HHAT: variants seen among roughly 807,000 people sequenced by gnomAD.
HHAT encodes protein-cysteine N-palmitoyltransferase HHAT.
HHAT carries 47 observed loss-of-function variants against 70.8 expected under a neutral mutation model. The ratio of observed to expected loss-of-function variants is 0.66; its 90% CI spans 0.53 to 0.85. HHAT has a LOEUF of 0.85. Among genes scored for constraint, HHAT ranks in the 40% least tolerant of loss-of-function variants. The pLI is 0.00. For missense variants in HHAT, 609 were observed against 604.8 expected (o/e 1.01, Z -0.07); for synonymous variants, 228 against 247.6 (o/e 0.92, Z 0.74).
intron 3 of HHAT, among the ~76,000 whole-genome samples, chr1:210,378,984 T>C (rs2090434778): frequency 6.6e-6 from 1 of 152,214 alleles, no homozygotes; most frequent in Admixed American, 6.5e-5. Context: ...TTGCAGTTAT[T>C]TTAAAAAGAG....
chr1:210,505,636 C>G lies in HHAT; in HGVS notation c.1008-7517C>G, dbSNP rs1351046939. On this transcript the variant is annotated intron_variant, in intron 8 of 11. Coordinates refer to ENST00000261458, the MANE Select transcript of HHAT (RefSeq NM_018194.6). ...CTAGCGATGTGCTTTGGTTTTTGCCCCCAGCTGTGCAAATTAGTTCTCAAA... is the reference window on the plus strand; with the variant it reads ...CTAGCGATGTGCTTTGGTTTTTGCCGCCAGCTGTGCAAATTAGTTCTCAAA... Among the ~76,000 whole-genome samples the G allele has an allele frequency of 1.3e-5, 2 of 151,988 alleles. 1 individual carries two copies. The highest frequency in any genetic ancestry group is 1.3e-4 in the Admixed American group (2 of 15,246).
chr1:210,674,546 G>T lies in HHAT; in HGVS notation c.*167G>T. 1.7e-6 allele frequency: 1 copy of T among 587,534 alleles called. No individual in the cohort carries two copies. The highest frequency in any genetic ancestry group is 3.0e-6 in the Non-Finnish European group (1 of 331,200). 36.4% of individuals were successfully genotyped at this position (587,534 alleles called of 1,614,324 possible). Reference sequence around the variant, plus strand: ...GGATCTCATAGAAAATTCACAGCCAGACAATCTTCTAATCTGGAGTCTTTG... The same window carrying T: ...GGATCTCATAGAAAATTCACAGCCATACAATCTTCTAATCTGGAGTCTTTG... On this transcript the variant is annotated 3_prime_UTR_variant, in exon 12 of 12. Transcript: ENST00000261458.
chr1:210,575,542 C>T (rs1035510788), intron 9 of HHAT, among the ~76,000 whole-genome samples: 4 of 152,170 alleles, frequency 2.6e-5, no homozygotes, highest in Non-Finnish European at 4.4e-5. Context: ...TGCTCTCAAA[C>T]AGAAGAAGAG....
chr1:210,645,171 G>A (rs113474532), intron 11 of HHAT, among the ~76,000 whole-genome samples: 5 of 152,244 alleles, frequency 3.3e-5, no homozygotes, highest in African/African-American at 1.2e-4. Flanking sequence ...CTAGCGGACG[G>A]GACAGGCTTG....
Position 210,332,326 on chromosome 1 carries a change from A to G in HHAT, c.-44+3222A>G, listed in dbSNP as rs529270983. Among the ~76,000 whole-genome samples, 54 of 152,358 alleles carry G rather than the reference A, an allele frequency of 3.5e-4. 1 individual carries two copies. In the South Asian group the frequency reaches 3.9e-3, roughly 11 times the overall value. On this transcript the variant is annotated intron_variant, in intron 1 of 11. Coordinates refer to ENST00000261458, the MANE Select transcript of HHAT (RefSeq NM_018194.6). ...TTGGTTAGCAACAAAAGTGCAAGTG[A>G]CATATCCTCGTGCACCTAACATCTT...
At chr1:210,339,688 C>T (rs895739982) in intron 1 of HHAT, among the ~76,000 whole-genome samples, 11 of 152,160 alleles carry the variant, frequency 7.2e-5, no homozygotes, top group Non-Finnish European at 1.5e-5. Flanking sequence ...CCTCCAGCCC[C>T]AGTGGAGTTG....
intron 9 of HHAT, among the ~76,000 whole-genome samples, chr1:210,519,687 C>G (rs1290602093): frequency 2.2e-5 from 2 of 91,244 alleles, no homozygotes; most frequent in African/African-American, 6.0e-5. Flanking sequence ...CCACCATGCC[C>G]AGCAATTTTT....
chr1:210,623,581 G>A lies in HHAT; in HGVS notation c.1301G>A (p.Cys434Tyr). 2 of 1,613,972 alleles carry A rather than the reference G, an allele frequency of 1.2e-6. No homozygotes were observed. The highest frequency in any genetic ancestry group is 1.7e-6 in the Non-Finnish European group (2 of 1,179,978). ...RRRFHAALAS[C>Y]STSMLILSNL... The stretch of plus-strand genomic sequence containing the variant: ...CGATTCCACGCTGCCCTTGCTTCTT[G>A]TTCCACCTCGATGCTGATCCTGTCC... The change falls in exon 11 of 12, where the codon TGT becomes TAT. Residue 434 changes from cysteine (C) to tyrosine (Y), a missense_variant. Coordinates refer to ENST00000261458, the MANE Select transcript of HHAT (RefSeq NM_018194.6).
chr1:210,576,684 AAAG>A (rs992770726), intron 9 of HHAT, among the ~76,000 whole-genome samples: 1 of 152,236 alleles, frequency 6.6e-6, no homozygotes, highest in African/African-American at 2.4e-5. Context: ...ACATTGAAAA[AAAG>A]AAAAAAAGAA....
rs1482525530 is a variant in HHAT at position 210,464,521 on chromosome 1, C to T, written c.873C>T (p.Ala291=). 2 of 1,614,016 alleles carry T rather than the reference C, an allele frequency of 1.2e-6. No individual in the cohort carries two copies. The highest frequency in any genetic ancestry group is 8.5e-7 in the Non-Finnish European group (1 of 1,180,018). Residue 291 remains alanine (A), a synonymous_variant, in exon 8 of 12, where the codon GCC becomes GCT. Coordinates refer to ENST00000261458, the MANE Select transcript of HHAT (RefSeq NM_018194.6). The stretch of plus-strand genomic sequence containing the variant: ...GCCTTTCAGGAGGACTGGCGTTAGC[C>T]CAGGTGCTCTTTTTCTACGTGAAGT... ...SCWTLGGLAL[A]QVLFFYVKYL...
At chr1:210,386,994 TATTA>T (rs1361875053) in intron 3 of HHAT, among the ~76,000 whole-genome samples, 2 of 152,234 alleles carry the variant, frequency 1.3e-5, no homozygotes, top group African/African-American at 2.4e-5. Flanking sequence ...TAAGCCATTT[TATTA>T]GTGTCCAGTT....
At chr1:210,423,759 G>A (rs1246221312) in intron 7 of HHAT, among the ~76,000 whole-genome samples, 2 of 152,098 alleles carry the variant, frequency 1.3e-5, no homozygotes, top group Non-Finnish European at 2.9e-5. Context: ...CTGCATATGG[G>A]TATCCAGTTT....
intron 7 of HHAT, among the ~76,000 whole-genome samples, chr1:210,440,524 G>C (rs1420320338): frequency 6.6e-6 from 1 of 151,848 alleles, no homozygotes; most frequent in Non-Finnish European, 1.5e-5. Context: ...GTAATCCCCA[G>C]CTGAGAGTTT....
intron 4 of HHAT, among the ~76,000 whole-genome samples, chr1:210,393,398 G>T (rs2148167688): frequency 6.6e-6 from 1 of 152,334 alleles, no homozygotes; most frequent in South Asian, 2.1e-4. Context: ...GGTCCTGGGG[G>T]AAAGGATTGA....
chr1:210,404,245 A>G (rs977111590), intron 5 of HHAT, among the ~76,000 whole-genome samples: 2 of 152,148 alleles, frequency 1.3e-5, no homozygotes, highest in African/African-American at 4.8e-5. Context: ...CCTACTGCTC[A>G]TTAACTGCTT....
chr1:210,569,947 C>G (rs982748679), intron 9 of HHAT, among the ~76,000 whole-genome samples: 2 of 152,168 alleles, frequency 1.3e-5, no homozygotes, highest in Admixed American at 1.3e-4. Context: ...TATGCCTAGC[C>G]TATAGTTGGT....
intron 8 of HHAT, among the ~76,000 whole-genome samples, chr1:210,475,625 A>G (rs1431946764): frequency 6.6e-6 from 1 of 152,132 alleles, no homozygotes; most frequent in Admixed American, 6.5e-5. Flanking sequence ...TTTTCTTCCC[A>G]TGGTTCACTG....
intron 9 of HHAT, among the ~76,000 whole-genome samples, chr1:210,573,833 T>C (rs577852101): frequency 9.2e-5 from 14 of 152,328 alleles, no homozygotes; most frequent in African/African-American, 2.9e-4. Flanking sequence ...ATGACACTTA[T>C]GAAGCCACAG....
chr1:210,410,413 T>C (rs2092494400), intron 6 of HHAT, among the ~76,000 whole-genome samples: 1 of 149,364 alleles, frequency 6.7e-6, no homozygotes, highest in South Asian at 2.1e-4. Flanking sequence ...ACTGTAATAA[T>C]GATATGACCC....
Sources: allele counts gnomAD v4.1 joint callset (sites outside exome capture counted in the v4.1 genomes callset), GRCh38; gene constraint gnomAD v4.1.1; transcripts MANE v1.5; gene names NCBI Gene and HGNC (gene_info 2026-07-23, HGNC 2026-07-21).